Variants in THRB observed in about 807,000 individuals in gnomAD.
THRB encodes thyroid hormone receptor beta, also known as nuclear receptor subfamily 1 group A member 2.
THRB carries 12 observed loss-of-function variants against 47.8 expected under a neutral mutation model. The ratio of observed to expected loss-of-function variants is 0.25; its 90% CI spans 0.16 to 0.41. THRB has a LOEUF of 0.41. THRB is among the 10% of genes least tolerant of loss of function. The pLI is 1.00. For synonymous variants in THRB, 218 were observed against 212.2 expected, an observed-to-expected ratio of 1.03 and a Z score of -0.24; for missense variants, 348 against 589.2, an observed-to-expected ratio of 0.59 and a Z score of 4.24.
Position 24,456,973 on chromosome 3 carries a change from G to T in THRB, c.-261+37679C>A, listed in dbSNP as rs980368919. 9.7e-4 allele frequency among the ~76,000 whole-genome samples: 148 copies of T among 151,966 alleles called. 1 individual carries two copies. Among genetic ancestry groups the T allele is most frequent in the African/African-American group, 3.5e-3 (145 of 41,458 alleles). On this transcript the variant is annotated intron_variant, in intron 1 of 10. Coordinates refer to ENST00000646209, the MANE Select transcript of THRB (RefSeq NM_001354712.2). ...TAAATTGTAAGGTTTGGGGCTTTTT[G>T]GTGTCATCAATTGGCAAACCTCTCC...
chr3:24,278,308 T>C (rs1028811648), intron 3 of THRB, among the ~76,000 whole-genome samples: 5 of 152,232 alleles, frequency 3.3e-5, no homozygotes, highest in African/African-American at 9.6e-5. Flanking sequence ...ATAAAGAAAC[T>C]GGAAAAGAAA....
At chr3:24,273,360 G>A (rs2053554943) in intron 3 of THRB, among the ~76,000 whole-genome samples, 1 of 152,106 alleles carries the variant, frequency 6.6e-6, no homozygotes, top group Non-Finnish European at 1.5e-5. Context: ...ATTCTAACAG[G>A]TGTCCATTTG....
At chr3:24,215,201 C>A (rs754227155) in intron 4 of THRB, among the ~76,000 whole-genome samples, 2 of 152,154 alleles carry the variant, frequency 1.3e-5, no homozygotes, top group Admixed American at 6.5e-5. Flanking sequence ...TAAAAAAAAT[C>A]TCTGCCATTT....
At chr3:24,257,534 T>A (rs2051424827) in intron 3 of THRB, among the ~76,000 whole-genome samples, 4 of 152,200 alleles carry the variant, frequency 2.6e-5, no homozygotes, top group Admixed American at 2.6e-4. Context: ...GATGTCCACA[T>A]CTAAATCAAG....
At chr3:24,175,785 G>A (rs564350209) in intron 5 of THRB, among the ~76,000 whole-genome samples, 4 of 152,216 alleles carry the variant, frequency 2.6e-5, no homozygotes, top group African/African-American at 4.8e-5. Flanking sequence ...ATAATGATGA[G>A]GTCTATTGCA....
chr3:24,314,291 T>G (rs2057963139), intron 2 of THRB, among the ~76,000 whole-genome samples: 1 of 152,206 alleles, frequency 6.6e-6, no homozygotes, highest in African/African-American at 2.4e-5. Context: ...ACTGTAGGGA[T>G]GAGGAAGGGA....
intron 1 of THRB, among the ~76,000 whole-genome samples, chr3:24,346,828 T>C (rs1021198946): frequency 1.8e-4 from 27 of 152,098 alleles, no homozygotes; most frequent in African/African-American, 6.5e-4. Context: ...ACAATTAATG[T>C]GGGAGGGTTT....
chr3:24,490,336 T>C lies in THRB; in HGVS notation c.-261+4316A>G, dbSNP rs138725105. Among the ~76,000 whole-genome samples the C allele has an allele frequency of 2.0e-3, 308 of 152,332 alleles. 2 individuals are homozygous for C. The highest frequency in any genetic ancestry group is 7.2e-3 in the African/African-American group (299 of 41,576). On this transcript the variant is annotated intron_variant, in intron 1 of 10. Transcript: ENST00000646209. Reference sequence around the variant, plus strand: ...CTTCAAGCAAAACAGACAGCTGTGATCTGGACATATGATGCAATGCAGGCA... The same window carrying C: ...CTTCAAGCAAAACAGACAGCTGTGACCTGGACATATGATGCAATGCAGGCA...
intron 3 of THRB, among the ~76,000 whole-genome samples, chr3:24,234,939 G>A (rs1422914572): frequency 6.6e-6 from 1 of 152,174 alleles, no homozygotes; most frequent in Non-Finnish European, 1.5e-5. Context: ...AGTTGCTGTG[G>A]AACTTGGGCT....
rs149459488 is a variant in THRB, at chr3:24,128,274, T to C, written c.886-517A>G. On this transcript the variant is annotated intron_variant, in intron 9 of 10. Coordinates refer to ENST00000646209, the MANE Select transcript of THRB (RefSeq NM_001354712.2). Reference sequence around the variant, plus strand: ...AAAGCTAGAGGGTTGTTGGCAGAGATACATGTTGCCCATGAGGCCCAGAGA... The same window carrying C: ...AAAGCTAGAGGGTTGTTGGCAGAGACACATGTTGCCCATGAGGCCCAGAGA... Among the ~76,000 whole-genome samples, 459 of 152,282 alleles carry C rather than the reference T, an allele frequency of 3.0e-3. 1 individual carries two copies. The highest frequency in any genetic ancestry group is 5.1e-3 in the Non-Finnish European group (346 of 68,010).
chr3:24,229,994 G>A (rs895691520), intron 3 of THRB, among the ~76,000 whole-genome samples: 11 of 152,178 alleles, frequency 7.2e-5, no homozygotes, highest in African/African-American at 2.7e-4. Context: ...TATTTCACAA[G>A]GCTGGTATTT....
At chr3:24,197,547 C>G (rs1482495547) in intron 4 of THRB, among the ~76,000 whole-genome samples, 2 of 152,182 alleles carry the variant, frequency 1.3e-5, no homozygotes, top group Non-Finnish European at 2.9e-5. Flanking sequence ...GGACTCTAAT[C>G]AATGTATCCA....
chr3:24,351,663 C>T (rs1029397992), intron 1 of THRB, among the ~76,000 whole-genome samples: 9 of 152,082 alleles, frequency 5.9e-5, no homozygotes, highest in African/African-American at 2.2e-4. Context: ...TTAAAACACA[C>T]TCTCAAAGTC....
chr3:24,301,403 C>CT (rs562201552), intron 2 of THRB, among the ~76,000 whole-genome samples: 12 of 152,166 alleles, frequency 7.9e-5, no homozygotes, highest in Non-Finnish European at 1.6e-4. Context: ...GAGTTAACTA[C>CT]TTATATCTTT....
intron 2 of THRB, among the ~76,000 whole-genome samples, chr3:24,309,038 G>C (rs1387479453): frequency 6.6e-6 from 1 of 152,018 alleles, no homozygotes; most frequent in Non-Finnish European, 1.5e-5. Context: ...CTTTCCTCTG[G>C]CTCCCGTTTT....
intron 3 of THRB, among the ~76,000 whole-genome samples, chr3:24,248,320 A>G (rs528178263): frequency 6.6e-6 from 1 of 152,248 alleles, no homozygotes; most frequent in East Asian, 1.9e-4. Context: ...ACTACAAATG[A>G]ATACTCCTCT....
intron 1 of THRB, among the ~76,000 whole-genome samples, chr3:24,396,290 A>G (rs1026793694): frequency 6.6e-6 from 1 of 152,110 alleles, no homozygotes; most frequent in Admixed American, 6.6e-5. Flanking sequence ...TGCCTGGGCC[A>G]TACCCTAGAC....
chr3:24,384,944 G>A (rs1231770072), intron 1 of THRB, among the ~76,000 whole-genome samples: 2 of 152,092 alleles, frequency 1.3e-5, no homozygotes, highest in Non-Finnish European at 2.9e-5. Flanking sequence ...CATGGGAAAA[G>A]TCATTGAGCC....
In THRB at chr3:24,123,233, C is replaced by G. The variant is rs143105913; in HGVS notation, c.1145-108G>C. 1.6e-4 allele frequency: 243 copies of G among 1,527,960 alleles called. 2 individuals are homozygous for G. The East Asian group carries it at 5.1e-3, about 32-fold the overall frequency. 94.7% of individuals were successfully genotyped at this position (1,527,960 alleles called of 1,614,324 possible). ...GGGGCGGGCAGATCTAGGGTCTTCCCTCTTAGCCATGAGCATGGATGCAGC... is the reference window on the plus strand; with the variant it reads ...GGGGCGGGCAGATCTAGGGTCTTCCGTCTTAGCCATGAGCATGGATGCAGC... On this transcript the variant is annotated intron_variant, in intron 10 of 10. Coordinates refer to ENST00000646209, the MANE Select transcript of THRB (RefSeq NM_001354712.2).
Sources: allele counts gnomAD v4.1 joint callset (sites outside exome capture counted in the v4.1 genomes callset), GRCh38; gene constraint gnomAD v4.1.1; transcripts MANE v1.5; gene names NCBI Gene and HGNC (gene_info 2026-07-23, HGNC 2026-07-21).